The following TMEM74 variants were observed in gnomAD, a reference collection of about 807,000 sequenced individuals.
The protein encoded by TMEM74 is transmembrane protein 74.
A neutral mutation model predicts 18.1 loss-of-function variants in TMEM74; 13 were observed. That is an observed-to-expected ratio of 0.72 (90% CI 0.47 to 1.14). TMEM74 has a LOEUF of 1.14. TMEM74 is among the 50% of genes most tolerant of loss of function. TMEM74 has a pLI of 0.00. For missense variants in TMEM74, 372 were observed against 375.9 expected, an observed-to-expected ratio of 0.99 and a Z score of 0.09; for synonymous variants, 159 against 146.6, an observed-to-expected ratio of 1.08 and a Z score of -0.61.
chr8:108,724,244 A>G (rs1339282861), intron 1 of TMEM74, among the ~76,000 whole-genome samples: 3 of 152,110 alleles, frequency 2.0e-5, no homozygotes, highest in Non-Finnish European at 4.4e-5. Flanking sequence ...TTTCATCATC[A>G]TGTTTCCCAA....
chr8:108,714,607 G>A (rs1311123667), intron 1 of TMEM74, among the ~76,000 whole-genome samples: 1 of 152,204 alleles, frequency 6.6e-6, no homozygotes, highest in Non-Finnish European at 1.5e-5. Flanking sequence ...TGCAGTTACT[G>A]TGGAAAGCAG....
chr8:108,651,394 C>A (rs1563740753), intron 2 of TMEM74, among the ~76,000 whole-genome samples: 1 of 152,052 alleles, frequency 6.6e-6, no homozygotes, highest in African/African-American at 2.4e-5. Context: ...TGAATATAGT[C>A]TTTAGGCTAT....
downstream of TMEM74, among the ~76,000 whole-genome samples, chr8:108,774,965 C>T (rs976954342): frequency 2.6e-5 from 4 of 152,042 alleles, no homozygotes; most frequent in African/African-American, 9.7e-5. Flanking sequence ...CCATCCAGAA[C>T]ATGCCTCCAG....
intron 1 of TMEM74, among the ~76,000 whole-genome samples, chr8:108,663,843 G>A (rs1249255716): frequency 6.6e-6 from 1 of 152,134 alleles, no homozygotes; most frequent in Admixed American, 6.6e-5. Context: ...ATTATCTTCA[G>A]CAAACTCACA....
At chr8:108,657,881 T>TATATTAATTGC (rs1554630300) in intron 1 of TMEM74, among the ~76,000 whole-genome samples, 1 of 98,510 alleles carries the variant, frequency 1.0e-5, no homozygotes, top group East Asian at 2.8e-4. Flanking sequence ...TATATATATA[T>TATATTAATTGC]ATATATATAT....
At chr8:108,742,531 T>C (rs1813812272) in intron 1 of TMEM74, among the ~76,000 whole-genome samples, 1 of 152,216 alleles carries the variant, frequency 6.6e-6, no homozygotes, top group Non-Finnish European at 1.5e-5. Context: ...GTAGCACTAC[T>C]ACTAGCTGTG....
rs186772731 is a variant in TMEM74 at position 108,781,045 on chromosome 8, G to A, written c.*3136C>T. ...ATCCCAGTAATAAAGGAGAAAGACA[G>A]CTTTCTTTCTGTAACTCACCCCATT... is the stretch of plus-strand genomic sequence containing the variant. On this transcript the variant is annotated 3_prime_UTR_variant, in exon 2 of 2. Coordinates refer to ENST00000297459, the MANE Select transcript of TMEM74 (RefSeq NM_153015.3). Among the ~76,000 whole-genome samples the A allele has an allele frequency of 1.5e-3, 176 of 114,974 alleles. 1 individual carries two copies. The East Asian group carries it at 0.037, about 24-fold the overall frequency. 75.4% of individuals were successfully genotyped at this position (114,974 alleles called of 152,430 possible).
At chr8:108,696,884 C>T (rs1397841470) in intron 1 of TMEM74, among the ~76,000 whole-genome samples, 1 of 152,082 alleles carries the variant, frequency 6.6e-6, no homozygotes, top group African/African-American at 2.4e-5. Flanking sequence ...CATTACTATA[C>T]GTTGTGAAGA....
chr8:108,681,230 C>G (rs1309558482), intron 1 of TMEM74, among the ~76,000 whole-genome samples: 2 of 152,140 alleles, frequency 1.3e-5, no homozygotes, highest in Admixed American at 1.3e-4. Flanking sequence ...GCCAAAAGAA[C>G]AAAGCCGGAG....
chr8:108,681,800 C>A (rs1217131614), intron 1 of TMEM74, among the ~76,000 whole-genome samples: 1 of 152,064 alleles, frequency 6.6e-6, no homozygotes, highest in African/African-American at 2.4e-5. Flanking sequence ...ACACTTAAAC[C>A]AGTTAAAATG....
chr8:108,626,502 T>A (rs140769076), intron 2 of TMEM74: 119 of 152,118 alleles, frequency 7.8e-4, no homozygotes, highest in African/African-American at 2.6e-3. Flanking sequence ...TAAGAGCAAG[T>A]CGTTTATTGG....
At chr8:108,695,769 A>G (rs778580797) in intron 1 of TMEM74, among the ~76,000 whole-genome samples, 41 of 152,212 alleles carry the variant, frequency 2.7e-4, no homozygotes, top group Admixed American at 2.2e-3. Context: ...GGGAAGGGGC[A>G]GCATGGGCAT....
chr8:108,737,417 T>C (rs1345976052), intron 1 of TMEM74, among the ~76,000 whole-genome samples: 1 of 152,226 alleles, frequency 6.6e-6, no homozygotes, highest in Non-Finnish European at 1.5e-5. Context: ...GTGCTCCAGA[T>C]AGAATATCAC....
At chr8:108,770,672 ACTCT>A (rs1814161531) in intron 1 of TMEM74, among the ~76,000 whole-genome samples, 1 of 152,058 alleles carries the variant, frequency 6.6e-6, no homozygotes, top group South Asian at 2.1e-4. Context: ...AGAACAGCAG[ACTCT>A]CTCTCTTCTT....
chr8:108,765,565 A>G (rs1318528016), intron 1 of TMEM74, among the ~76,000 whole-genome samples: 1 of 151,604 alleles, frequency 6.6e-6, no homozygotes, highest in Admixed American at 6.6e-5. Flanking sequence ...GTGGTACCAC[A>G]CCCGGCTAAT....
At chr8:108,618,274 G>A (rs569057528) in intron 2 of TMEM74, among the ~76,000 whole-genome samples, 1 of 152,218 alleles carries the variant, frequency 6.6e-6, no homozygotes, top group South Asian at 2.1e-4. Flanking sequence ...CAGTAGCAAT[G>A]GGCAAAAAGG....
At chr8:108,689,901 A>G (rs1335232078) in intron 1 of TMEM74, among the ~76,000 whole-genome samples, 1 of 152,060 alleles carries the variant, frequency 6.6e-6, no homozygotes, top group African/African-American at 2.4e-5. Context: ...AAGCCACAGT[A>G]TTGTTTTTCT....
intron 2 of TMEM74, among the ~76,000 whole-genome samples, chr8:108,614,270 C>T (rs1284897100): frequency 2.0e-5 from 3 of 151,906 alleles, no homozygotes; most frequent in Non-Finnish European, 4.4e-5. Flanking sequence ...ATGCTTTAGC[C>T]CAAACTAAAG....
At chr8:108,670,622 C>CT (rs1368853139) in intron 1 of TMEM74, among the ~76,000 whole-genome samples, 2 of 152,140 alleles carry the variant, frequency 1.3e-5, no homozygotes, top group Non-Finnish European at 2.9e-5. Flanking sequence ...AAAACTGGCT[C>CT]TTCAGAAACA....
Sources: allele counts gnomAD v4.1 joint callset (sites outside exome capture counted in the v4.1 genomes callset), GRCh38; gene constraint gnomAD v4.1.1; transcripts MANE v1.5; gene names NCBI Gene and HGNC (gene_info 2026-07-23, HGNC 2026-07-21).